KIAA1671: variants seen among roughly 807,000 people sequenced by gnomAD.
KIAA1671 encodes the protein uncharacterized protein KIAA1671.
KIAA1671 carries 52 observed loss-of-function variants against 131.2 expected under a neutral mutation model. The ratio of observed to expected loss-of-function variants is 0.40; its 90% confidence interval spans 0.32 to 0.50. The LOEUF is 0.50. KIAA1671 is among the 20% of genes least tolerant of loss of function. KIAA1671 has a pLI of 0.73. For synonymous variants in KIAA1671, 1,003 were observed against 961.6 expected, an observed-to-expected ratio of 1.04 and a Z score of -0.80; for missense variants, 2,360 against 2,364.2, an observed-to-expected ratio of 1.00 and a Z score of 0.04.
chr22:24,959,409 G>A (rs1287824208), intron 1 of KIAA1671, among the ~76,000 whole-genome samples: 1 of 152,060 alleles, frequency 6.6e-6, no homozygotes, highest in Non-Finnish European at 1.5e-5. Context: ...TGTAATCCCA[G>A]CTATTCAGGA....
At chr22:25,148,800 C>G (rs549309658) in intron 6 of KIAA1671, among the ~76,000 whole-genome samples, 8 of 152,296 alleles carry the variant, frequency 5.3e-5, no homozygotes, top group African/African-American at 1.4e-4. Flanking sequence ...CATCTCGCTC[C>G]CGTAAGTGCT....
intron 10 of KIAA1671, among the ~76,000 whole-genome samples, chr22:25,182,035 C>G (rs902962514): frequency 2.0e-5 from 3 of 152,056 alleles, no homozygotes; most frequent in Non-Finnish European, 4.4e-5. Flanking sequence ...AAAAATTAGC[C>G]GGGCGTGGTG....
intron 5 of KIAA1671, among the ~76,000 whole-genome samples, chr22:25,043,645 T>A (rs1338755118): frequency 6.6e-6 from 1 of 152,104 alleles, no homozygotes; most frequent in Non-Finnish European, 1.5e-5. Flanking sequence ...AGGGAGGCAC[T>A]GGAGAGGTGG....
At chr22:25,159,499 A>G (rs929064488) in intron 6 of KIAA1671, among the ~76,000 whole-genome samples, 6 of 152,200 alleles carry the variant, frequency 3.9e-5, no homozygotes, top group Middle Eastern at 3.2e-3. Flanking sequence ...GTCAGGCCTC[A>G]TCAGAACCTG....
At chr22:25,041,571 ATCTAG>A (rs1267793743) in intron 5 of KIAA1671, 46 bp downstream of exon 5, 4 of 1,475,522 alleles carry the variant, frequency 2.7e-6, no homozygotes, top group Non-Finnish European at 3.6e-6. Context: ...TGGTTTAAAC[ATCTAG>A]TCTAGGGGGC....
intron 1 of KIAA1671, among the ~76,000 whole-genome samples, chr22:25,009,485 G>A (rs746488357): frequency 2.7e-5 from 4 of 150,710 alleles, no homozygotes; most frequent in Non-Finnish European, 4.4e-5. Flanking sequence ...GGCTGGTCTC[G>A]AACTCCTGAC....
chr22:25,121,126 C>T (rs1428001777), intron 6 of KIAA1671, among the ~76,000 whole-genome samples: 2 of 152,196 alleles, frequency 1.3e-5, no homozygotes, highest in South Asian at 2.1e-4. Context: ...TGGATTGATA[C>T]GCATCACAGG....
chr22:25,130,964 T>C (rs532155469), intron 6 of KIAA1671, among the ~76,000 whole-genome samples: 1 of 152,334 alleles, frequency 6.6e-6, no homozygotes, highest in Admixed American at 6.5e-5. Context: ...ATTGGACTAA[T>C]ATGATTTTGC....
intron 4 of KIAA1671, among the ~76,000 whole-genome samples, chr22:25,037,398 A>G (rs991645772): frequency 2.8e-5 from 4 of 144,992 alleles, no homozygotes; most frequent in Non-Finnish European, 4.4e-5. Context: ...ATATGTATAT[A>G]TGTATATATG....
intron 6 of KIAA1671, among the ~76,000 whole-genome samples, chr22:25,139,694 C>T (rs1398149236): frequency 6.6e-6 from 1 of 152,100 alleles, no homozygotes; most frequent in Non-Finnish European, 1.5e-5. Context: ...AAAAGTAAAG[C>T]AAAGTTGGGG....
intron 6 of KIAA1671, among the ~76,000 whole-genome samples, chr22:25,067,948 G>T (rs567793640): frequency 1.9e-4 from 29 of 152,394 alleles, no homozygotes; most frequent in African/African-American, 6.7e-4. Flanking sequence ...GCCAGGACAC[G>T]CAGCGCCAGG....
At chr22:25,108,791 G>A (rs1038104622) in intron 6 of KIAA1671, among the ~76,000 whole-genome samples, 25 of 152,152 alleles carry the variant, frequency 1.6e-4, no homozygotes, top group Non-Finnish European at 3.4e-4. Context: ...TATGGGCCAG[G>A]AATTTGGGAG....
At chr22:25,080,610 G>A (rs181285006) in intron 6 of KIAA1671, among the ~76,000 whole-genome samples, 53 of 152,216 alleles carry the variant, frequency 3.5e-4, no homozygotes, top group African/African-American at 1.3e-3. Flanking sequence ...GTGCCATGGT[G>A]CAATCATAGC....
In KIAA1671 at chr22:25,040,860, G is replaced by A; in HGVS notation, c.3730G>A (p.Glu1244Lys). ...RERPVQLGGV[E>K]QRRRSLKEMP... is the part of the protein sequence containing the mutation. The stretch of plus-strand genomic sequence containing the variant: ...GAGGCCTGTTCAGCTGGGCGGGGTG[G>A]AGCAGAGAAGGAGGAGCCTGAAGGA... The change falls in exon 5 of 13, where the codon GAG becomes AAG. Residue 1244 changes from glutamate (E) to lysine (K), a missense_variant. Around this residue, in one of 3 missense-constraint regions of KIAA1671, gnomAD observed 1,161 missense variants for 1,204.7 expected, o/e 0.96. Coordinates refer to ENST00000358431, the MANE Select transcript of KIAA1671 (RefSeq NM_001145206.2). 6.5e-7 allele frequency: 1 copy of A among 1,546,376 alleles called. No homozygotes were observed. Among genetic ancestry groups the A allele is most frequent in the Non-Finnish European group, 8.7e-7 (1 of 1,143,886 alleles).
At chr22:25,184,291 A>G (rs966117848) in intron 10 of KIAA1671, among the ~76,000 whole-genome samples, 5 of 152,208 alleles carry the variant, frequency 3.3e-5, no homozygotes, top group Non-Finnish European at 7.4e-5. Flanking sequence ...ATCTGCCCTA[A>G]AAGAATCATA....
chr22:25,013,972 C>A (rs1350523464), intron 1 of KIAA1671: 1 of 152,160 alleles, frequency 6.6e-6, no homozygotes. Context: ...AATTGAGTCA[C>A]CATGGGAGGT....
At chr22:25,173,937 A>C (rs1482724666) in intron 7 of KIAA1671, among the ~76,000 whole-genome samples, 1 of 152,158 alleles carries the variant, frequency 6.6e-6, no homozygotes, top group African/African-American at 2.4e-5. Context: ...AGGACCCAAC[A>C]ACCACCTGTG....
intron 11 of KIAA1671, among the ~76,000 whole-genome samples, chr22:25,186,946 C>T (rs1439524216): frequency 6.6e-6 from 1 of 152,238 alleles, no homozygotes; most frequent in South Asian, 2.1e-4. Flanking sequence ...TCAGAGGCAC[C>T]TCTGGAGGCC....
At chr22:25,133,404 G>A (rs1446113946) in intron 6 of KIAA1671, among the ~76,000 whole-genome samples, 1 of 152,210 alleles carries the variant, frequency 6.6e-6, no homozygotes, top group Non-Finnish European at 1.5e-5. Context: ...TCACTAGGTT[G>A]TATCTTGCAT....
Sources: gnomAD v4.1 joint callset for allele counts (sites outside exome capture counted in the v4.1 genomes callset) on GRCh38, gnomAD v4.1.1 for gene constraint, gnomAD v4.1.1 regional missense constraint, MANE v1.5 for transcripts, NCBI Gene and HGNC (gene_info 2026-07-23, HGNC 2026-07-21) for gene names.